Variants in HECTD4 observed in about 807,000 individuals in gnomAD.
HECTD4 encodes HECT domain E3 ubiquitin protein ligase 4.
A neutral mutation model predicts 471.5 loss-of-function variants in HECTD4; 114 were observed. The ratio of observed to expected loss-of-function variants is 0.24; its 90% CI spans 0.21 to 0.28. HECTD4 has a LOEUF of 0.28. Ranked by LOEUF, HECTD4 falls within the 10% of genes least tolerant of loss-of-function variation. The pLI, the probability that HECTD4 is intolerant of heterozygous loss-of-function variation, is 1.00. For missense variants in HECTD4, 3,866 were observed against 5,651.5 expected (o/e 0.68, Z 10.13); for synonymous variants, 2,012 against 2,256.0 (o/e 0.89, Z 3.07).
At chr12:112,217,598 T>C (rs964147359) in intron 45 of HECTD4, among the ~76,000 whole-genome samples, 4 of 152,264 alleles carry the variant, frequency 2.6e-5, no homozygotes, top group Non-Finnish European at 5.9e-5. Flanking sequence ...AAGCTATCTG[T>C]CTGTCTTGGC....
chr12:112,200,286 T>C (rs2135531275), intron 55 of HECTD4, among the ~76,000 whole-genome samples: 1 of 152,064 alleles, frequency 6.6e-6, no homozygotes, highest in East Asian at 1.9e-4. Flanking sequence ...CCAGAATAGC[T>C]GGTATTACAG....
At chr12:112,234,943 CA>C (rs2033465167) in intron 37 of HECTD4, 133 bp downstream of exon 37, 4 of 706,880 alleles carry the variant, frequency 5.7e-6, no homozygotes, top group Non-Finnish European at 9.2e-6. Flanking sequence ...ACAGGAATCA[CA>C]GTGACAGTGT....
chr12:112,174,576 T>G (rs1222018197), intron 66 of HECTD4, among the ~76,000 whole-genome samples: 2 of 151,578 alleles, frequency 1.3e-5, no homozygotes, highest in South Asian at 2.1e-4. Context: ...TTCTTTTTCT[T>G]TTTTTTGAGA....
intron 7 of HECTD4, among the ~76,000 whole-genome samples, chr12:112,299,601 TGACA>T (rs1253699097): frequency 6.6e-6 from 1 of 151,730 alleles, no homozygotes; most frequent in Non-Finnish European, 1.5e-5. Flanking sequence ...CCAGGCTGGG[TGACA>T]GACAGACTCT....
At chr12:112,234,911 C>G (rs1184799041) in intron 37 of HECTD4, among the ~76,000 whole-genome samples, 166 bp downstream of exon 37, 1 of 152,230 alleles carries the variant, frequency 6.6e-6, no homozygotes, top group Non-Finnish European at 1.5e-5. Flanking sequence ...TCAGCTCTGC[C>G]TCAGTTTCTT....
At chr12:112,198,314 A>G (rs1216418343) in intron 55 of HECTD4, among the ~76,000 whole-genome samples, 3 of 152,338 alleles carry the variant, frequency 2.0e-5, no homozygotes, top group African/African-American at 7.2e-5. Flanking sequence ...AGAACGAGAC[A>G]GCCAGGGGGA....
At chr12:112,359,012 A>G (rs976137164) in intron 1 of HECTD4, among the ~76,000 whole-genome samples, 1 of 152,132 alleles carries the variant, frequency 6.6e-6, no homozygotes, top group African/African-American at 2.4e-5. Flanking sequence ...CGTCTCTACT[A>G]AAAATACAAA....
At chr12:112,233,522 C>A (rs1242487908) in intron 37 of HECTD4, among the ~76,000 whole-genome samples, 2 of 151,976 alleles carry the variant, frequency 1.3e-5, no homozygotes, top group South Asian at 2.1e-4. Context: ...CATGCCTGGA[C>A]CTCTAACACT....
At chr12:112,234,196 A>T (rs1408866359) in intron 37 of HECTD4, among the ~76,000 whole-genome samples, 1 of 152,194 alleles carries the variant, frequency 6.6e-6, no homozygotes, top group African/African-American at 2.4e-5. Flanking sequence ...AGCTAAGAAA[A>T]AATTTATTAG....
Position 112,216,293 on chromosome 12 carries a change from G to A in HECTD4, c.7464C>T (p.Pro2488=), listed in dbSNP as rs371700588. The A allele has an allele frequency of 1.9e-5, 30 of 1,546,754 alleles. No individual in the cohort carries two copies. The highest frequency in any genetic ancestry group is 3.9e-5 in the Admixed American group (2 of 51,308). The change falls in exon 48 of 76, where the codon CCC becomes CCT. Residue 2488 remains proline (P), a splice_region_variant and synonymous_variant. Transcript: ENST00000682272. ...TGGAAAAGCTCCCACTGCACTCACC[G>A]GGGGAGAGAGTCACGTCTAAGCGAA... The part of the protein sequence containing the change: ...KSVRLDVTLS[P]GDVAGIGWER...
intron 1 of HECTD4, among the ~76,000 whole-genome samples, chr12:112,365,077 T>A (rs2036532798): frequency 6.6e-6 from 1 of 152,198 alleles, no homozygotes; most frequent in African/African-American, 2.4e-5. Flanking sequence ...CTGACCTCTA[T>A]CTAAAAAGCG....
At position 112,250,194 on chromosome 12, in the gene HECTD4, C is replaced by A; in HGVS notation, c.3900G>T (p.Lys1300Asn). Reference sequence around the variant, plus strand: ...TAGCACGCCCAGAAATTTCCCTGAGCTTTATCATGATTCCTGGAGGCAGTC... The same window carrying A: ...TAGCACGCCCAGAAATTTCCCTGAGATTTATCATGATTCCTGGAGGCAGTC... ...RIRLPPGIMI[K>N]LREISGRARP... Residue 1300 changes from lysine to asparagine, a missense_variant, in exon 25 of 76, where the codon AAG becomes AAT. This residue lies in a region of HECTD4 where 281 missense variants were observed against 499.9 expected (regional missense o/e 0.56). Transcript: ENST00000682272. 6.2e-7 allele frequency: 1 copy of A among 1,613,956 alleles called. No homozygotes were observed. Among genetic ancestry groups the A allele is most frequent in the Non-Finnish European group, 8.5e-7 (1 of 1,179,864 alleles).
Position 112,172,867 on chromosome 12 carries a change from G to C in HECTD4, c.11595-6C>G. 6.2e-7 allele frequency: 1 copy of C among 1,613,598 alleles called. No homozygotes were observed. Among genetic ancestry groups the C allele is most frequent in the South Asian group, 1.1e-5 (1 of 91,078 alleles). ...GGACATCGATGCATGCGCACCTTGG[G>C]GTGGGGACAGGGGGAGAGGGGCAAA... On this transcript the variant is annotated splice_region_variant and splice_polypyrimidine_tract_variant and intron_variant, in intron 66 of 75. Transcript: ENST00000682272.
chr12:112,175,705 T>G (rs768348208), intron 66 of HECTD4, 31 bp downstream of exon 66: 97 of 1,604,614 alleles, frequency 6.0e-5, no homozygotes, highest in Non-Finnish European at 7.7e-5. Context: ...CTATGCAAGG[T>G]GCCAACTGAG....
At chr12:112,295,822 T>TACACAC (rs561917936) in intron 7 of HECTD4, among the ~76,000 whole-genome samples, 13 of 129,930 alleles carry the variant, frequency 1.0e-4, no homozygotes, top group East Asian at 5.1e-4. Context: ...TATATATATA[T>TACACAC]ATACACACAC....
At chr12:112,256,181 T>C (rs1180860520) in intron 21 of HECTD4, 139 bp downstream of exon 21, 3 of 561,458 alleles carry the variant, frequency 5.3e-6, no homozygotes, top group South Asian at 8.2e-5. Context: ...ATAAGAACTT[T>C]ATCTTAGGAA....
Position 112,171,234 on chromosome 12 carries a change from AGCGCAG to A in HECTD4, c.11809_11814del (p.Leu3937_Arg3938del). ...GTGTTGAGGGACTGCAGCAAGGCGA[AGCGCAG>A]GCGCAGGCTCTCGATGGGCACGTCT... On this transcript the variant is annotated inframe_deletion, in exon 68 of 76. Coordinates refer to ENST00000682272, the MANE Select transcript of HECTD4 (RefSeq NM_001388303.1). 1 of 1,610,994 alleles carries A rather than the reference AGCGCAG, an allele frequency of 6.2e-7. No homozygotes were observed. The highest frequency in any genetic ancestry group is 8.5e-7 in the Non-Finnish European group (1 of 1,178,800).
intron 1 of HECTD4, among the ~76,000 whole-genome samples, chr12:112,349,304 G>A (rs762092444): frequency 2.0e-4 from 29 of 144,588 alleles, no homozygotes; most frequent in South Asian, 4.3e-4. Flanking sequence ...CAGAAGAATC[G>A]CTTGAACCCA....
At chr12:112,366,847 T>C (rs527515763) in intron 1 of HECTD4, among the ~76,000 whole-genome samples, 1 of 147,872 alleles carries the variant, frequency 6.8e-6, no homozygotes, top group South Asian at 2.1e-4. Flanking sequence ...GCCATTGCAC[T>C]TCAGCCTGGG....
Sources: allele counts gnomAD v4.1 joint callset (sites outside exome capture counted in the v4.1 genomes callset), GRCh38; gene constraint gnomAD v4.1.1; regional missense constraint gnomAD v4.1.1; transcripts MANE v1.5; gene names NCBI Gene and HGNC (gene_info 2026-07-23, HGNC 2026-07-21).